The following TRIM26 variants were observed in gnomAD, a reference collection of about 807,000 sequenced individuals.
TRIM26 encodes the protein tripartite motif containing 26.
In TRIM26, 16 loss-of-function variants were observed where a neutral mutation model predicts 45.5. The ratio of observed to expected loss-of-function variants is 0.35; its 90% CI spans 0.24 to 0.53. The LOEUF (loss-of-function observed/expected upper bound fraction) is 0.53. Among genes scored for constraint, TRIM26 ranks in the 20% least tolerant of loss-of-function variants. TRIM26 has a pLI of 0.92. For missense variants in TRIM26, 442 were observed against 691.1 expected (o/e 0.64, Z 4.04); for synonymous variants, 273 against 290.4 (o/e 0.94, Z 0.61).
At chr6:30,210,279 C>G (rs1420453244) in intron 1 of TRIM26, among the ~76,000 whole-genome samples, 1 of 152,006 alleles carries the variant, frequency 6.6e-6, no homozygotes, top group Non-Finnish European at 1.5e-5. Context: ...CCCATCCAGC[C>G]CCAAATCCCT....
intron 9 of TRIM26, chr6:30,188,239 A>AAAAAAG (rs1428313366): frequency 4.5e-6 from 1 of 222,154 alleles, no homozygotes; most frequent in African/African-American, 4.2e-5. Context: ...AAAAAAAAAA[A>AAAAAAG]AAAGAAATTT....
Position 30,186,271 on chromosome 6 carries a change from C to T in TRIM26, c.1225G>A (p.Asp409Asn), listed in dbSNP as rs758704598. The change falls in exon 10 of 10, where the codon GAC becomes AAC. Residue 409 changes from aspartate to asparagine, a missense_variant. Transcript: ENST00000454678. The surrounding 1 kb of genome is among the most constrained non-coding windows in gnomAD (Gnocchi z 7.4). ...TCCTCATCTTCGTCCGTTTCCCAGT[C>T]GTCATATCCATCCCCATAGCCGGCC... ...EEAGYGDGYDDWETDEDEESL... is the reference protein window; with the variant it reads ...EEAGYGDGYDNWETDEDEESL... 6 of 1,607,596 alleles carry T rather than the reference C, an allele frequency of 3.7e-6. No homozygotes were observed. The highest frequency in any genetic ancestry group is 2.7e-5 in the African/African-American group (2 of 74,628).
In TRIM26 at chr6:30,189,858, T is replaced by C; in HGVS notation, c.788+155A>G. 1.2e-6 allele frequency: 1 copy of C among 844,722 alleles called. No individual in the cohort carries two copies. 52.3% of individuals were successfully genotyped at this position (844,722 alleles called of 1,614,324 possible). On this transcript the variant is annotated intron_variant, in intron 7 of 9. Coordinates refer to ENST00000454678, the MANE Select transcript of TRIM26 (RefSeq NM_003449.5). The surrounding 1 kb of genome is among the most constrained non-coding windows in gnomAD (Gnocchi z 5.0). ...AGAGCAAGTCTCCAGTTCTCAATGA[T>C]GTGTCCTGCTCCTCAGAAGGGCATC...
chr6:30,198,154 C>T lies in TRIM26; in HGVS notation c.534+275G>A, dbSNP rs948480520. Reference sequence around the variant, plus strand: ...AAGAGAACCAGCAGCTGGACATGGGCCCTGCCTTCAAGGTGACAGTCACAG... The same window carrying T: ...AAGAGAACCAGCAGCTGGACATGGGTCCTGCCTTCAAGGTGACAGTCACAG... On this transcript the variant is annotated intron_variant, in intron 5 of 9. Coordinates refer to ENST00000454678, the MANE Select transcript of TRIM26 (RefSeq NM_003449.5). This position sits in a 1 kb window ranked among gnomAD's most constrained non-coding sequence, Gnocchi z 6.3. Among the ~76,000 whole-genome samples the T allele has an allele frequency of 2.6e-5, 4 of 152,248 alleles. No individual in the cohort carries two copies. Among genetic ancestry groups the T allele is most frequent in the Admixed American group, 6.5e-5 (1 of 15,290 alleles).
rs1388760186 is a variant in TRIM26, at chr6:30,198,036, CCTT to C, written c.534+390_534+392del. On this transcript the variant is annotated intron_variant, in intron 5 of 9. Transcript: ENST00000454678. The surrounding 1 kb of genome is among the most constrained non-coding windows in gnomAD (Gnocchi z 6.3). ...GTTCTTACCCTGGAGCCAGCTCCCT[CCTT>C]CTAAACCCTCTCCACTCTCAGGCAA... is the stretch of plus-strand genomic sequence containing the variant. Among the ~76,000 whole-genome samples, 1 of 152,200 alleles carries C rather than the reference CCTT, an allele frequency of 6.6e-6. No individual in the cohort carries two copies. The highest frequency in any genetic ancestry group is 1.5e-5 in the Non-Finnish European group (1 of 68,034).
intron 3 of TRIM26, among the ~76,000 whole-genome samples, chr6:30,199,685 G>A (rs1437566579): frequency 1.4e-5 from 2 of 148,038 alleles, no homozygotes; most frequent in Non-Finnish European, 3.0e-5. Flanking sequence ...CGCCCAGGCT[G>A]GAGTGCAGTG....
Position 30,198,932 on chromosome 6 carries a change from T to G in TRIM26, c.172A>C (p.Lys58Gln). Residue 58 changes from lysine to glutamine, a missense_variant, in exon 4 of 10, where the codon AAG becomes CAG. Transcript: ENST00000454678. This position sits in a 1 kb window ranked among gnomAD's most constrained non-coding sequence, Gnocchi z 6.3. ...GSRPVCPLCKKPFKKENIRPV... is the reference protein window; with the variant it reads ...GSRPVCPLCKQPFKKENIRPV... Reference sequence around the variant, plus strand: ...CGGATGTTCTCCTTCTTAAAAGGCTTCTTGCAGAGTGGGCAGACGGGGCGG... The same window carrying G: ...CGGATGTTCTCCTTCTTAAAAGGCTGCTTGCAGAGTGGGCAGACGGGGCGG... The G allele has an allele frequency of 6.2e-7, 1 of 1,612,810 alleles. No individual in the cohort carries two copies. Among genetic ancestry groups the G allele is most frequent in the Non-Finnish European group, 8.5e-7 (1 of 1,179,902 alleles).
intron 9 of TRIM26, chr6:30,187,572 T>C: frequency 2.2e-6 from 1 of 452,614 alleles, no homozygotes; most frequent in Non-Finnish European, 4.5e-6. Context: ...GGTGCTACTC[T>C]CTGTGCTAAC....
In TRIM26 at chr6:30,196,876, G is replaced by T; in HGVS notation, c.535-130C>A. The T allele has an allele frequency of 1.2e-6, 1 of 850,278 alleles. No homozygotes were observed. Among genetic ancestry groups the T allele is most frequent in the Non-Finnish European group, 1.8e-6 (1 of 547,472 alleles). 52.7% of individuals were successfully genotyped at this position (850,278 alleles called of 1,614,324 possible). A position where few individuals can be genotyped will look rare whatever the true frequency, so the allele number is the denominator to read the frequency against. On this transcript the variant is annotated intron_variant, in intron 5 of 9. Coordinates refer to ENST00000454678, the MANE Select transcript of TRIM26 (RefSeq NM_003449.5). This position sits in a 1 kb window ranked among gnomAD's most constrained non-coding sequence, Gnocchi z 4.9. Reference sequence around the variant, plus strand: ...CAGGAATTCTACAGGATCTGGAGTGGGAGGAGCTACAGAGGGTTCCTGGTC... The same window carrying T: ...CAGGAATTCTACAGGATCTGGAGTGTGAGGAGCTACAGAGGGTTCCTGGTC...
In TRIM26 at chr6:30,189,701, C is replaced by T. The variant is rs1320876507; in HGVS notation, c.789-168G>A. 4.5e-6 allele frequency: 3 copies of T among 662,090 alleles called. No individual in the cohort carries two copies. Among genetic ancestry groups the T allele is most frequent in the Non-Finnish European group, 7.8e-6 (3 of 384,362 alleles). The allele number at this position is 662,090 out of a possible 1,614,324, so 41.0% of individuals were successfully genotyped here. On this transcript the variant is annotated intron_variant, in intron 7 of 9. Coordinates refer to ENST00000454678, the MANE Select transcript of TRIM26 (RefSeq NM_003449.5). The surrounding 1 kb of genome is among the most constrained non-coding windows in gnomAD (Gnocchi z 5.0). ...AAAGACACCAGCTGAACCAGGGCTTCAGAACATCAGTAGACTCCACATCCA... is the reference window on the plus strand; with the variant it reads ...AAAGACACCAGCTGAACCAGGGCTTTAGAACATCAGTAGACTCCACATCCA...
rs1359857328 is a variant in TRIM26, at chr6:30,193,158, G to GTATATATA, written c.766-3124_766-3123insTATATATA. 2.3e-3 allele frequency among the ~76,000 whole-genome samples: 70 copies of GTATATATA among 31,082 alleles called. 2 individuals carry two copies. The highest frequency in any genetic ancestry group is 2.8e-3 in the Non-Finnish European group (54 of 19,042). 20.4% of individuals were successfully genotyped at this position (31,082 alleles called of 152,430 possible). ...TATATGTGTGTGTGTGTGTGTGTGTGTGTGTATATATATATATATATATAT... is the reference window on the plus strand; with the variant it reads ...TATATGTGTGTGTGTGTGTGTGTGTGTATATATATGTGTATATATATATATATATATAT... On this transcript the variant is annotated intron_variant, in intron 6 of 9. Transcript: ENST00000454678.
chr6:30,208,911 T>TGTGC (rs1172468715), intron 1 of TRIM26, among the ~76,000 whole-genome samples: 232 of 117,542 alleles, frequency 2.0e-3, no homozygotes, highest in Middle Eastern at 0.011. Context: ...AATATGTGTG[T>TGTGC]GTGTGTGTGT....
rs533206437 is a variant in TRIM26 at position 30,186,943 on chromosome 6, GA to G, written c.938-386del. On this transcript the variant is annotated intron_variant, in intron 9 of 9. Transcript: ENST00000454678. This position sits in a 1 kb window ranked among gnomAD's most constrained non-coding sequence, Gnocchi z 7.4. ...TCTGTTCCATTTTCTTCATAATCCAGAAAAAAAGTCCTCTTTTTCAAGTAAC... is the reference window on the plus strand; with the variant it reads ...TCTGTTCCATTTTCTTCATAATCCAGAAAAAAGTCCTCTTTTTCAAGTAAC... The G allele has an allele frequency of 5.0e-4, 262 of 519,866 alleles. No homozygotes were observed. Among genetic ancestry groups the G allele is most frequent in the African/African-American group, 3.7e-3 (185 of 50,668 alleles). 32.2% of individuals were successfully genotyped at this position (519,866 alleles called of 1,614,324 possible).
At chr6:30,201,809 T>C (rs1426348577) in intron 2 of TRIM26, among the ~76,000 whole-genome samples, 1 of 151,576 alleles carries the variant, frequency 6.6e-6, no homozygotes, top group Non-Finnish European at 1.5e-5. Flanking sequence ...GATCGTGCCA[T>C]TGCACTCCAG....
chr6:30,193,162 G>GTGTGTA (rs1461878897), intron 6 of TRIM26, among the ~76,000 whole-genome samples: 1 of 32,002 alleles, frequency 3.1e-5, no homozygotes, highest in Non-Finnish European at 4.8e-5. Flanking sequence ...GTGTGTGTGT[G>GTGTGTA]TATATATATA....
intron 2 of TRIM26, among the ~76,000 whole-genome samples, chr6:30,201,803 G>C (rs1019133583): frequency 2.0e-5 from 3 of 151,604 alleles, no homozygotes; most frequent in Non-Finnish European, 4.4e-5. Flanking sequence ...AGCCGAGATC[G>C]TGCCATTGCA....
Position 30,189,410 on chromosome 6 carries a change from A to T in TRIM26, c.904+8T>A, listed in dbSNP as rs773220400. On this transcript the variant is annotated splice_region_variant and intron_variant, in intron 8 of 9. Transcript: ENST00000454678. The surrounding 1 kb of genome is among the most constrained non-coding windows in gnomAD (Gnocchi z 5.0). Reference sequence around the variant, plus strand: ...ACTCCCACCCTTTGTGCGCTCCCCAACCCTTACCCTGGAATTCCCTCAGGC... The same window carrying T: ...ACTCCCACCCTTTGTGCGCTCCCCATCCCTTACCCTGGAATTCCCTCAGGC... 2.5e-6 allele frequency: 4 copies of T among 1,612,562 alleles called. No individual in the cohort carries two copies. The highest frequency in any genetic ancestry group is 2.5e-6 in the Non-Finnish European group (3 of 1,179,800).
chr6:30,205,386 C>T (rs1777625677), intron 1 of TRIM26, among the ~76,000 whole-genome samples: 1 of 152,192 alleles, frequency 6.6e-6, no homozygotes, highest in Admixed American at 6.5e-5. Context: ...TAAGAGGTTC[C>T]CTTTTCCCTG....
intron 6 of TRIM26, among the ~76,000 whole-genome samples, chr6:30,193,156 G>GTATA (rs1188383368): frequency 1.2e-3 from 59 of 50,052 alleles, no homozygotes; most frequent in East Asian, 2.1e-3. Context: ...GTGTGTGTGT[G>GTATA]TGTGTGTATA....
Sources: allele counts gnomAD v4.1 joint callset (sites outside exome capture counted in the v4.1 genomes callset), GRCh38; gene constraint gnomAD v4.1.1; non-coding constraint Gnocchi (gnomAD v3.1); transcripts MANE v1.5; gene names NCBI Gene and HGNC (gene_info 2026-07-23, HGNC 2026-07-21).